UTS2B: variants seen among roughly 807,000 people sequenced by gnomAD.
UTS2B encodes urotensin 2B, also known as urotensin-2B.
UTS2B carries 21 observed loss-of-function variants against 19.2 expected under a neutral mutation model. The observed-to-expected ratio is 1.09, with a 90% CI of 0.78 to 1.58. The LOEUF (loss-of-function observed/expected upper bound fraction) is 1.58. Among genes scored for constraint, UTS2B ranks in the 40% most tolerant of loss-of-function variants. The probability of loss-of-function intolerance (pLI) is 0.00; values close to 1 mark genes in which losing one functional copy is unlikely to be tolerated. For synonymous variants in UTS2B, 57 were observed against 50.2 expected (o/e 1.14, Z -0.58); for missense variants, 138 against 130.3 (o/e 1.06, Z -0.29).
At chr3:191,297,292 C>A (rs1329727639) in intron 4 of UTS2B, among the ~76,000 whole-genome samples, 1 of 152,128 alleles carries the variant, frequency 6.6e-6, no homozygotes, top group Non-Finnish European at 1.5e-5. Context: ...ACACTCATTT[C>A]AGCTTTTTCT....
intron 2 of UTS2B, among the ~76,000 whole-genome samples, chr3:191,318,833 T>A (rs1006366166): frequency 9.9e-5 from 15 of 152,234 alleles, no homozygotes; most frequent in Non-Finnish European, 1.9e-4. Flanking sequence ...TTTTTGTTTT[T>A]TGTAACCTTG....
At chr3:191,329,351 C>T (rs1717855206) in intron 1 of UTS2B, 1 of 307,230 alleles carries the variant, frequency 3.3e-6, no homozygotes, top group African/African-American at 2.2e-5. Flanking sequence ...GCCCGCCCGC[C>T]TTTCTGTCTC....
the UTS2B span, among the ~76,000 whole-genome samples, chr3:191,342,195 T>G: frequency 2.6e-5 from 4 of 152,236 alleles, no homozygotes; most frequent in African/African-American, 9.7e-5. Flanking sequence ...TCCAGAAATG[T>G]GTGTAGAGTT....
upstream of UTS2B, among the ~76,000 whole-genome samples, chr3:191,331,937 T>C (rs1718002135): frequency 1.3e-5 from 2 of 152,220 alleles, no homozygotes. Flanking sequence ...CTGATGCAGA[T>C]TTTTGAACCC....
intron 7 of UTS2B, 129 bp downstream of exon 7, chr3:191,276,678 G>C: frequency 1.4e-6 from 1 of 718,086 alleles, no homozygotes; most frequent in African/African-American, 1.8e-5. Context: ...ACAGCTTCAC[G>C]CTTTGTTTAG....
intron 8 of UTS2B, among the ~76,000 whole-genome samples, chr3:191,270,954 C>A (rs1342388437): frequency 6.6e-6 from 1 of 151,992 alleles, no homozygotes; most frequent in East Asian, 1.9e-4. Context: ...GCCTGTAATC[C>A]CAGCACTTTG....
intron 2 of UTS2B, among the ~76,000 whole-genome samples, chr3:191,321,897 G>C (rs936100022): frequency 2.6e-5 from 4 of 152,062 alleles, no homozygotes; most frequent in Non-Finnish European, 5.9e-5. Flanking sequence ...CGTGGTGGCG[G>C]GTGCCTGTAA....
intron 2 of UTS2B, among the ~76,000 whole-genome samples, chr3:191,317,846 C>T (rs767505727): frequency 6.6e-6 from 1 of 152,164 alleles, no homozygotes; most frequent in Non-Finnish European, 1.5e-5. Context: ...TCCCAAAGTA[C>T]TGGGATTACA....
intron 4 of UTS2B, among the ~76,000 whole-genome samples, chr3:191,297,242 A>G (rs1290099306): frequency 6.6e-6 from 1 of 152,086 alleles, no homozygotes; most frequent in Non-Finnish European, 1.5e-5. Flanking sequence ...CTTTATTCTT[A>G]TTAGGAACTA....
rs371224080 is a variant in UTS2B at position 191,325,759 on chromosome 3, A to G, written c.-586+2872T>C. 2.6e-5 allele frequency among the ~76,000 whole-genome samples: 4 copies of G among 152,234 alleles called. No individual in the cohort carries two copies. The East Asian group carries it at 7.7e-4, about 29-fold the overall frequency. On this transcript the variant is annotated intron_variant, in intron 2 of 8. Coordinates refer to ENST00000340524, the MANE Select transcript of UTS2B (RefSeq NM_198152.5). ...AATTCAGAGGGACTGCACTGCAGAC[A>G]GGGTCTTTAAGGAAGACATTTGGGT...
intron 4 of UTS2B, among the ~76,000 whole-genome samples, chr3:191,291,558 T>C (rs1467759385): frequency 2.0e-5 from 3 of 152,056 alleles, no homozygotes; most frequent in African/African-American, 7.2e-5. Flanking sequence ...GTTCATGCCA[T>C]TCTCCTGCCT....
chr3:191,332,879 C>T (rs1718037306), upstream of UTS2B, among the ~76,000 whole-genome samples: 1 of 152,158 alleles, frequency 6.6e-6, no homozygotes. Context: ...AGATGTTGAT[C>T]GAGGCCTTTC....
rs114723377 is a variant in UTS2B at position 191,275,862 on chromosome 3, C to T, written c.241-517G>A. 4.3e-3 allele frequency among the ~76,000 whole-genome samples: 661 copies of T among 152,078 alleles called. 5 individuals carry two copies. The highest frequency in any genetic ancestry group is 0.015 in the African/African-American group (607 of 41,508). On this transcript the variant is annotated intron_variant, in intron 7 of 8. Transcript: ENST00000340524. ...AGAAGAAAAACAGGGAGCATGCATT[C>T]AGGGGCTGACTAGGAAAGGTACATG...
At chr3:191,345,351 A>T in the UTS2B span, among the ~76,000 whole-genome samples, 1 of 152,230 alleles carries the variant, frequency 6.6e-6, no homozygotes, top group African/African-American at 2.4e-5. Context: ...GCTGAGTCAG[A>T]TAAACCTTAT....
rs1342171529 is a variant in UTS2B at position 191,267,418 on chromosome 3, A to G, written c.*998T>C. 1 of 152,262 alleles carries G rather than the reference A, an allele frequency of 6.6e-6. No homozygotes were observed. The highest frequency in any genetic ancestry group is 1.5e-5 in the Non-Finnish European group (1 of 68,052). The allele number at this position is 152,262 out of a possible 1,614,324, so 9.4% of individuals were successfully genotyped here. A position where few individuals can be genotyped will look rare whatever the true frequency, so the allele number is the denominator to read the frequency against. On this transcript the variant is annotated 3_prime_UTR_variant, in exon 9 of 9. Transcript: ENST00000340524. ...GGTGAAAAAATCATATGCATAATAA[A>G]TGCCAGTTTCTTTATGATTGAAACA...
At chr3:191,329,458 G>C (rs1717864769) in intron 1 of UTS2B, 1 of 469,450 alleles carries the variant, frequency 2.1e-6, no homozygotes. Flanking sequence ...GGCCGCGGCG[G>C]GGCAGCTGGG....
intron 2 of UTS2B, among the ~76,000 whole-genome samples, chr3:191,323,075 T>C (rs141231330): frequency 2.3e-3 from 357 of 152,300 alleles, no homozygotes; most frequent in African/African-American, 8.3e-3. Flanking sequence ...TTAGGAGAAG[T>C]TGATGGGTTG....
intron 4 of UTS2B, among the ~76,000 whole-genome samples, chr3:191,290,713 A>G (rs146788413): frequency 8.1e-4 from 124 of 152,374 alleles, no homozygotes; most frequent in African/African-American, 2.8e-3. Flanking sequence ...ATTACAGGAT[A>G]TAAATGGCAT....
intron 4 of UTS2B, among the ~76,000 whole-genome samples, chr3:191,300,159 C>T (rs1029109274): frequency 6.6e-6 from 1 of 152,156 alleles, no homozygotes; most frequent in Non-Finnish European, 1.5e-5. Flanking sequence ...AAGCGATTCT[C>T]CCAGCTCAGC....
Sources: allele counts gnomAD v4.1 joint callset (sites outside exome capture counted in the v4.1 genomes callset), GRCh38; gene constraint gnomAD v4.1.1; transcripts MANE v1.5; gene names NCBI Gene and HGNC (gene_info 2026-07-23, HGNC 2026-07-21).